Variants in FRMPD4 observed in about 807,000 individuals in gnomAD.
The protein encoded by FRMPD4 is FERM and PDZ domain containing 4.
Under a neutral mutation model 94.1 loss-of-function variants are expected in FRMPD4, and 22 were observed. That is an observed-to-expected ratio of 0.23 (90% CI 0.17 to 0.33). FRMPD4 has a LOEUF of 0.33. FRMPD4 is among the 10% of genes least tolerant of loss of function. The pLI is 1.00. For missense variants in FRMPD4, 1,111 were observed against 1,339.9 expected, an observed-to-expected ratio of 0.83 and a Z score of 2.67; for synonymous variants, 631 against 548.6, an observed-to-expected ratio of 1.15 and a Z score of -2.10.
intron 9 of FRMPD4, among the ~76,000 whole-genome samples, chrX:12,701,067 CTTTTTTTTTTTT>C (rs34465193): frequency 1.8e-5 from 1 of 56,574 alleles, no homozygotes; most frequent in Admixed American, 2.4e-4. Context: ...GTTTTGGCTT[CTTTTTTTTTTTT>C]TTTTTTTTTT....
rs900997877 is a variant in FRMPD4, at chrX:12,599,454, A to C, written c.159-10267A>C. The stretch of plus-strand genomic sequence containing the variant: ...ATCCCCAAAGGATTCAATCTATCAG[A>C]GCCCAAACAAGAGCACATGTAAGAA... On this transcript the variant is annotated intron_variant, in intron 2 of 16. Transcript: ENST00000675598. 7.2e-5 allele frequency among the ~76,000 whole-genome samples: 8 copies of C among 111,800 alleles called. No individual in the cohort carries two copies. The East Asian group carries it at 2.0e-3, about 27-fold the overall frequency.
At chrX:12,630,267 C>A (rs775384750) in intron 4 of FRMPD4, among the ~76,000 whole-genome samples, 8 of 112,533 alleles carry the variant, frequency 7.1e-5, no homozygotes, top group African/African-American at 9.7e-5. Flanking sequence ...GCATTGCAGG[C>A]CATAAGGGTC....
intron 3 of FRMPD4, among the ~76,000 whole-genome samples, chrX:11,925,455 T>C (rs143589967): frequency 0.018 from 1,972 of 112,259 alleles, 29 homozygotes; most frequent in African/African-American, 0.059. Flanking sequence ...TATATATTTT[T>C]CTCATGGCCA....
chrX:12,715,711 TA>T (rs752450990), intron 14 of FRMPD4, among the ~76,000 whole-genome samples: 22 of 112,304 alleles, frequency 2.0e-4, no homozygotes, highest in Non-Finnish European at 3.9e-4. Flanking sequence ...CCTTTAAGGG[TA>T]AAAGACATGT....
chrX:12,452,983 G>A (rs1421915785), intron 1 of FRMPD4, among the ~76,000 whole-genome samples: 2 of 112,223 alleles, frequency 1.8e-5, no homozygotes, highest in African/African-American at 3.2e-5. Flanking sequence ...TTTGCCTGTA[G>A]AAGGTAGAGT....
intron 1 of FRMPD4, among the ~76,000 whole-genome samples, chrX:12,204,530 C>A (rs2056668522): frequency 9.0e-6 from 1 of 111,414 alleles, no homozygotes; most frequent in Non-Finnish European, 1.9e-5. Context: ...GCGCTGCATG[C>A]CCTCCCTTTT....
intron 3 of FRMPD4, among the ~76,000 whole-genome samples, chrX:11,920,112 G>A (rs1377006529): frequency 9.0e-6 from 1 of 111,469 alleles, no homozygotes; most frequent in African/African-American, 3.3e-5. Flanking sequence ...CCCCACCATT[G>A]TGTTTCTAAT....
chrX:12,307,848 C>T (rs934257785), intron 1 of FRMPD4, among the ~76,000 whole-genome samples: 2 of 111,205 alleles, frequency 1.8e-5, no homozygotes, highest in African/African-American at 6.5e-5. Flanking sequence ...TGAGGCAGAC[C>T]GAGGGTTATG....
intron 1 of FRMPD4, among the ~76,000 whole-genome samples, chrX:12,228,062 A>G (rs1428923628): frequency 8.9e-6 from 1 of 112,367 alleles, no homozygotes; most frequent in Non-Finnish European, 1.9e-5. Context: ...TCAATTACCC[A>G]TTGCAGTGCT....
intron 2 of FRMPD4, among the ~76,000 whole-genome samples, chrX:12,594,931 C>T (rs934796378): frequency 1.1e-4 from 12 of 111,942 alleles, no homozygotes. Context: ...AGTTACTTTA[C>T]CAATCTGTTC....
chrX:12,634,824 C>CTTTTTT (rs780126204), intron 4 of FRMPD4, among the ~76,000 whole-genome samples: 8 of 52,218 alleles, frequency 1.5e-4, no homozygotes, highest in Non-Finnish European at 2.0e-4. Context: ...GTCCATCTCT[C>CTTTTTT]TTTTTTTTTT....
chrX:12,259,553 G>A (rs1307779166), intron 1 of FRMPD4, among the ~76,000 whole-genome samples: 3 of 111,656 alleles, frequency 2.7e-5, no homozygotes, highest in Non-Finnish European at 5.7e-5. Context: ...CTCCAGAACT[G>A]TGAGACAATA....
intron 1 of FRMPD4, among the ~76,000 whole-genome samples, chrX:12,364,316 A>G (rs1359749959): frequency 8.9e-6 from 1 of 111,765 alleles, no homozygotes; most frequent in African/African-American, 3.3e-5. Context: ...GCATAGGTCA[A>G]GAGGCGGAAG....
At chrX:12,549,055 T>C (rs907782855) in intron 2 of FRMPD4, among the ~76,000 whole-genome samples, 7 of 111,307 alleles carry the variant, frequency 6.3e-5, no homozygotes, top group East Asian at 2.8e-4. Flanking sequence ...AACTTCCTGT[T>C]CTCCCCTCTT....
chrX:12,578,402 T>G (rs886497111), intron 2 of FRMPD4, among the ~76,000 whole-genome samples: 1 of 111,861 alleles, frequency 8.9e-6, no homozygotes, highest in Non-Finnish European at 1.9e-5. Context: ...TGGGTCATTA[T>G]CAGATCTAAG....
At chrX:12,493,017 G>T (rs778298321) in intron 1 of FRMPD4, among the ~76,000 whole-genome samples, 2 of 111,267 alleles carry the variant, frequency 1.8e-5, no homozygotes, top group Non-Finnish European at 3.8e-5. Context: ...TTCTCCCTGA[G>T]GGTCATGCCA....
At chrX:12,502,873 C>T (rs1269648316) in intron 2 of FRMPD4, among the ~76,000 whole-genome samples, 1 of 112,014 alleles carries the variant, frequency 8.9e-6, no homozygotes, top group African/African-American at 3.2e-5. Context: ...CAGGAGAGTC[C>T]TGGTTTATGG....
At chrX:12,194,977 T>C (rs1035899637) in intron 1 of FRMPD4, among the ~76,000 whole-genome samples, 4 of 112,254 alleles carry the variant, frequency 3.6e-5, no homozygotes, top group Non-Finnish European at 7.5e-5. Context: ...TTCTATCCTT[T>C]CTTTTTATGT....
rs1415862788 is a variant in FRMPD4, at chrX:12,370,993, C to A, written c.42-127687C>A. ...ATTGCCAAGGGGAAATTTCTCTCTCCTGATTAAGTGTGCTTCCTGTTATTG... is the reference window on the plus strand; with the variant it reads ...ATTGCCAAGGGGAAATTTCTCTCTCATGATTAAGTGTGCTTCCTGTTATTG... On this transcript the variant is annotated intron_variant, in intron 1 of 16. Transcript: ENST00000675598. Among the ~76,000 whole-genome samples the A allele has an allele frequency of 2.7e-5, 3 of 111,829 alleles. No individual in the cohort carries two copies. The Admixed American group carries it at 2.8e-4, about 11-fold the overall frequency.
Sources: allele counts gnomAD v4.1 joint callset (sites outside exome capture counted in the v4.1 genomes callset), GRCh38; gene constraint gnomAD v4.1.1; transcripts MANE v1.5; gene names NCBI Gene and HGNC (gene_info 2026-07-23, HGNC 2026-07-21).